Variants in ARHGEF10L observed in about 807,000 individuals in gnomAD.
ARHGEF10L encodes Rho guanine nucleotide exchange factor 10 like, also known as rho guanine nucleotide exchange factor 10-like protein.
Under a neutral mutation model 141.2 loss-of-function variants are expected in ARHGEF10L, and 69 were observed. The ratio of observed to expected loss-of-function variants is 0.49; its 90% CI spans 0.40 to 0.60. ARHGEF10L has a LOEUF of 0.60. Ranked by LOEUF, ARHGEF10L falls within the 20% of genes least tolerant of loss-of-function variation. The pLI, the probability that ARHGEF10L is intolerant of heterozygous loss-of-function variation, is 0.00. For synonymous variants in ARHGEF10L, 711 were observed against 718.5 expected (o/e 0.99, Z 0.17); for missense variants, 1,482 against 1,734.3 (o/e 0.85, Z 2.58).
At chr1:17,653,244 G>T (rs1177959081) in intron 22 of ARHGEF10L, among the ~76,000 whole-genome samples, 1 of 152,210 alleles carries the variant, frequency 6.6e-6, no homozygotes, top group Non-Finnish European at 1.5e-5. Context: ...GAGCCGTGTT[G>T]GCTGTACCTA....
In ARHGEF10L at chr1:17,576,940, A is replaced by G. The variant is rs374046900; in HGVS notation, c.-43-3613A>G. ...CTCCTCCTTTGGACTCAGTTTCCAC[A>G]TCTGTAAAGCAAGAGCAACACTGCC... On this transcript the variant is annotated intron_variant, in intron 1 of 28. Transcript: ENST00000361221. 9.2e-5 allele frequency among the ~76,000 whole-genome samples: 14 copies of G among 152,308 alleles called. No individual in the cohort carries two copies. In the East Asian group the frequency reaches 1.2e-3, roughly 13 times the overall value.
intron 27 of ARHGEF10L, among the ~76,000 whole-genome samples, chr1:17,690,213 TGA>T (rs1345322755): frequency 6.6e-6 from 1 of 152,174 alleles, no homozygotes; most frequent in Non-Finnish European, 1.5e-5. Flanking sequence ...AACAAAGGGC[TGA>T]GATTTGAGTC....
At chr1:17,614,132 G>T (rs180882026) in intron 8 of ARHGEF10L, among the ~76,000 whole-genome samples, 1 of 152,338 alleles carries the variant, frequency 6.6e-6, no homozygotes, top group East Asian at 1.9e-4. Flanking sequence ...TTCCAACTTG[G>T]GTCTGCAGTG....
At chr1:17,535,411 C>T (rs1414857447), upstream of ARHGEF10L, among the ~76,000 whole-genome samples, 1 of 152,210 alleles carries the variant, frequency 6.6e-6, no homozygotes. Context: ...TGGTTCTGAT[C>T]CATGGCCTGA....
rs1396888516 is a variant in ARHGEF10L, at chr1:17,588,458, C to T, written c.236C>T (p.Ala79Val). 1 of 1,614,020 alleles carries T rather than the reference C, an allele frequency of 6.2e-7. No homozygotes were observed. The highest frequency in any genetic ancestry group is 1.7e-5 in the Admixed American group (1 of 60,000). ...TCTTCTTTTGCAGACCCAGACCCAG[C>T]AGCTGCTCCACCCGGCACAGGGTAA... ...DSIPVTDPDP[A>V]AAPPGTGVPA... The change falls in exon 4 of 29, where the codon GCA becomes GTA. Residue 79 changes from alanine to valine, a missense_variant. By Grantham distance (64) the Ala-to-Val change is moderately conservative. Transcript: ENST00000361221.
At chr1:17,692,815 G>C (rs1166521072) in intron 27 of ARHGEF10L, among the ~76,000 whole-genome samples, 1 of 152,180 alleles carries the variant, frequency 6.6e-6, no homozygotes, top group Non-Finnish European at 1.5e-5. Context: ...TGACCATCTG[G>C]AGTCTGCCTT....
chr1:17,664,401 G>A (rs748325919), intron 25 of ARHGEF10L, 46 bp from the exon 26 acceptor site: 4 of 1,581,604 alleles, frequency 2.5e-6, no homozygotes, highest in African/African-American at 1.3e-5. Flanking sequence ...CAGGAGACCT[G>A]CTTGCCGCTC....
chr1:17,527,219 G>T, the ARHGEF10L span, among the ~76,000 whole-genome samples: 1 of 152,204 alleles, frequency 6.6e-6, no homozygotes, highest in African/African-American at 2.4e-5. Flanking sequence ...GGGGAAGGGG[G>T]CAACCTGCTT....
At chr1:17,548,485 G>T (rs184800491) in intron 1 of ARHGEF10L, among the ~76,000 whole-genome samples, 3 of 151,948 alleles carry the variant, frequency 2.0e-5, no homozygotes, top group Non-Finnish European at 4.4e-5. Context: ...AGTAAGGTTT[G>T]TTATGCAGAT....
rs958495528 is a variant in ARHGEF10L, at chr1:17,656,455, G to T, written c.2706-99G>T. 24 of 1,445,274 alleles carry T rather than the reference G, an allele frequency of 1.7e-5. No homozygotes were observed. The highest frequency in any genetic ancestry group is 2.2e-5 in the Non-Finnish European group (23 of 1,061,036). 89.5% of individuals were successfully genotyped at this position (1,445,274 alleles called of 1,614,324 possible). On this transcript the variant is annotated intron_variant, in intron 24 of 28. Transcript: ENST00000361221. The surrounding 1 kb of genome is among the most constrained non-coding windows in gnomAD (Gnocchi z 4.9). Reference sequence around the variant, plus strand: ...CAGCCGAAAGGCGTGGCTGAGAGGGGTCAGCTCCCTGGGGCCCTCTCCCTA... The same window carrying T: ...CAGCCGAAAGGCGTGGCTGAGAGGGTTCAGCTCCCTGGGGCCCTCTCCCTA...
chr1:17,514,325 A>T, the ARHGEF10L span, among the ~76,000 whole-genome samples: 3 of 151,480 alleles, frequency 2.0e-5, no homozygotes, highest in Non-Finnish European at 4.4e-5. Flanking sequence ...TAGTAGAGAC[A>T]GGGTTTTGCC....
chr1:17,646,397 G>T (rs1313008869), intron 21 of ARHGEF10L, among the ~76,000 whole-genome samples: 1 of 152,210 alleles, frequency 6.6e-6, no homozygotes, highest in Non-Finnish European at 1.5e-5. Flanking sequence ...CCTGGAAAAT[G>T]AGGCTCTGAG....
chr1:17,592,965 T>G (rs555265824), intron 4 of ARHGEF10L, among the ~76,000 whole-genome samples: 1 of 152,294 alleles, frequency 6.6e-6, no homozygotes, highest in East Asian at 1.9e-4. Flanking sequence ...TTGGACAAGC[T>G]GGTTTTTGTG....
chr1:17,535,652 G>A (rs2100558650), upstream of ARHGEF10L, among the ~76,000 whole-genome samples: 1 of 152,330 alleles, frequency 6.6e-6, no homozygotes, highest in South Asian at 2.1e-4. Flanking sequence ...GTCCCATCCA[G>A]ATGTAATGTA....
the ARHGEF10L span, among the ~76,000 whole-genome samples, chr1:17,519,072 G>T: frequency 6.6e-6 from 1 of 151,884 alleles, no homozygotes; most frequent in South Asian, 2.1e-4. Context: ...CTACTCGGGA[G>T]GCTGAGGCAG....
At chr1:17,572,374 G>A (rs2078039229) in intron 1 of ARHGEF10L, among the ~76,000 whole-genome samples, 1 of 152,202 alleles carries the variant, frequency 6.6e-6, no homozygotes, top group Non-Finnish European at 1.5e-5. Context: ...GTGACCGATG[G>A]AGAGCGTGGT....
At chr1:17,560,574 C>T (rs1295521578) in intron 1 of ARHGEF10L, among the ~76,000 whole-genome samples, 2 of 152,066 alleles carry the variant, frequency 1.3e-5, no homozygotes, top group African/African-American at 4.8e-5. Context: ...AAACAACGAT[C>T]TTTTTTTTGA....
chr1:17,626,692 A>G (rs1179667723), intron 14 of ARHGEF10L, among the ~76,000 whole-genome samples: 2 of 152,222 alleles, frequency 1.3e-5, no homozygotes, highest in Non-Finnish European at 2.9e-5. Flanking sequence ...TTGTTCTGCA[A>G]CCATCACCAC....
intron 9 of ARHGEF10L, 46 bp downstream of exon 9, chr1:17,616,248 G>T (rs2059801421): frequency 2.1e-6 from 3 of 1,457,800 alleles, no homozygotes; most frequent in Non-Finnish European, 2.9e-6. Flanking sequence ...AGCTCTGACT[G>T]GGGGTCGGGG....
Sources: allele counts gnomAD v4.1 joint callset (sites outside exome capture counted in the v4.1 genomes callset), GRCh38; gene constraint gnomAD v4.1.1; non-coding constraint Gnocchi (gnomAD v3.1); transcripts MANE v1.5; gene names NCBI Gene and HGNC (gene_info 2026-07-23, HGNC 2026-07-21).